Variants in SNRK observed in about 807,000 individuals in gnomAD.
The protein encoded by SNRK is SNF related kinase, also known as SNF-related serine/threonine-protein kinase.
A neutral mutation model predicts 48.2 loss-of-function variants in SNRK; 3 were observed. The observed-to-expected ratio is 0.06, with a 90% CI of 0.03 to 0.16. SNRK has a LOEUF of 0.16. SNRK is among the 10% of genes least tolerant of loss of function. SNRK has a pLI of 1.00. For synonymous variants in SNRK, 376 were observed against 366.1 expected, an observed-to-expected ratio of 1.03 and a Z score of -0.31; for missense variants, 627 against 976.0, an observed-to-expected ratio of 0.64 and a Z score of 4.76.
chr3:43,289,151 A>C (rs56388016), intron 1 of SNRK, among the ~76,000 whole-genome samples: 3,805 of 152,254 alleles, frequency 0.025, 165 homozygotes, highest in African/African-American at 0.084. Context: ...ATAGGGAAAA[A>C]CCTGCAGAAG....
At chr3:43,334,991 G>A (rs1210145306) in intron 4 of SNRK, among the ~76,000 whole-genome samples, 1 of 138,172 alleles carries the variant, frequency 7.2e-6, no homozygotes, top group Non-Finnish European at 1.6e-5. Flanking sequence ...TCTTTTTTTT[G>A]TCTTGATCAG....
At chr3:43,342,228 T>A (rs2091243127) in intron 5 of SNRK, among the ~76,000 whole-genome samples, 1 of 152,164 alleles carries the variant, frequency 6.6e-6, no homozygotes, top group Non-Finnish European at 1.5e-5. Flanking sequence ...TTTGCCAGTT[T>A]GTTGGTTTCC....
intron 4 of SNRK, among the ~76,000 whole-genome samples, chr3:43,337,989 G>A (rs1272512468): frequency 2.6e-5 from 4 of 152,178 alleles, no homozygotes; most frequent in African/African-American, 9.7e-5. Flanking sequence ...GGCTCAAGCA[G>A]TCCCTCCGCC....
At chr3:43,327,773 C>T (rs1444404082) in intron 3 of SNRK, among the ~76,000 whole-genome samples, 1 of 152,078 alleles carries the variant, frequency 6.6e-6, no homozygotes, top group African/African-American at 2.4e-5. Context: ...CTAGAAATAG[C>T]ATAATTCAGT....
At chr3:43,329,815 T>A (rs1455426976) in intron 3 of SNRK, among the ~76,000 whole-genome samples, 2 of 152,180 alleles carry the variant, frequency 1.3e-5, no homozygotes, top group Non-Finnish European at 2.9e-5. Context: ...TAATTGGACT[T>A]CTTGTTGTTT....
rs2091320015 is a variant in SNRK, at chr3:43,351,102, A to G, written c.*2545A>G. On this transcript the variant is annotated 3_prime_UTR_variant, in exon 7 of 7. Transcript: ENST00000296088. ...AGGTATGTGACAAATGGGAAAAAAA[A>G]TCCAAATAATAAAGTGACATATTGG... 1 of 152,622 alleles carries G rather than the reference A, an allele frequency of 6.6e-6. No homozygotes were observed. The highest frequency in any genetic ancestry group is 1.5e-5 in the Non-Finnish European group (1 of 68,032). 9.5% of individuals were successfully genotyped at this position (152,622 alleles called of 1,614,324 possible).
chr3:43,307,901 C>G (rs1375212277), intron 3 of SNRK, among the ~76,000 whole-genome samples: 1 of 152,182 alleles, frequency 6.6e-6, no homozygotes, highest in Non-Finnish European at 1.5e-5. Context: ...AGGCTTCTTG[C>G]ACCTAATAGC....
intron 3 of SNRK, among the ~76,000 whole-genome samples, chr3:43,304,683 A>G (rs2090923734): frequency 6.6e-6 from 1 of 152,102 alleles, no homozygotes; most frequent in Admixed American, 6.5e-5. Context: ...CATGCACATG[A>G]TGTCAGATTC....
chr3:43,319,421 G>A (rs1319412621), intron 3 of SNRK, among the ~76,000 whole-genome samples: 13 of 152,056 alleles, frequency 8.5e-5, no homozygotes, highest in Non-Finnish European at 1.8e-4. Context: ...TCGAAATCTC[G>A]GCACCTGGAA....
At chr3:43,321,037 GT>G (rs2091049737) in intron 3 of SNRK, among the ~76,000 whole-genome samples, 1 of 150,544 alleles carries the variant, frequency 6.6e-6, no homozygotes, top group Non-Finnish European at 1.5e-5. Flanking sequence ...ATTAGTTCTA[GT>G]TTTGTACTCA....
At chr3:43,328,743 C>T (rs541825913) in intron 3 of SNRK, among the ~76,000 whole-genome samples, 2 of 152,310 alleles carry the variant, frequency 1.3e-5, no homozygotes, top group East Asian at 3.9e-4. Flanking sequence ...TCTCTCCCAT[C>T]TCAAACTGTG....
chr3:43,312,271 A>C (rs1400647011), intron 3 of SNRK, among the ~76,000 whole-genome samples: 1 of 152,244 alleles, frequency 6.6e-6, no homozygotes, highest in African/African-American at 2.4e-5. Flanking sequence ...GATTTAGATT[A>C]AGTCTTGAAT....
At chr3:43,335,290 G>C (rs538435561) in intron 4 of SNRK, among the ~76,000 whole-genome samples, 15 of 152,218 alleles carry the variant, frequency 9.9e-5, no homozygotes, top group African/African-American at 3.4e-4. Flanking sequence ...TTGTTATTCA[G>C]TTCTAATAAG....
intron 3 of SNRK, among the ~76,000 whole-genome samples, chr3:43,309,383 A>T (rs183061039): frequency 6.6e-6 from 1 of 152,190 alleles, no homozygotes; most frequent in Non-Finnish European, 1.5e-5. Flanking sequence ...TACTGTAGGT[A>T]AAATATGTCA....
In SNRK at chr3:43,347,327, T is replaced by A; in HGVS notation, c.1080-12T>A. On this transcript the variant is annotated splice_polypyrimidine_tract_variant and intron_variant, in intron 6 of 6. Transcript: ENST00000296088. The surrounding 1 kb of genome is among the most constrained non-coding windows in gnomAD (Gnocchi z 5.4). ...ATATGGCTTTTTTCCCCCCAATCTA[T>A]CTGTTACATAGGCAGTCATGGCCAA... 1 of 1,536,296 alleles carries A rather than the reference T, an allele frequency of 6.5e-7. No homozygotes were observed. The highest frequency in any genetic ancestry group is 8.7e-7 in the Non-Finnish European group (1 of 1,143,292).
At chr3:43,294,848 A>G (rs146126794) in intron 1 of SNRK, among the ~76,000 whole-genome samples, 23 of 152,268 alleles carry the variant, frequency 1.5e-4, no homozygotes, top group African/African-American at 5.5e-4. Flanking sequence ...AGTGTTAATA[A>G]AAGCTTTAGA....
intron 1 of SNRK, among the ~76,000 whole-genome samples, chr3:43,296,429 T>TATATATAC (rs2090855680): frequency 6.8e-6 from 1 of 146,292 alleles, no homozygotes; most frequent in Non-Finnish European, 1.5e-5. Flanking sequence ...TATATATATA[T>TATATATAC]ATATGTATAT....
At chr3:43,319,418 C>G (rs1239563902) in intron 3 of SNRK, among the ~76,000 whole-genome samples, 3 of 152,138 alleles carry the variant, frequency 2.0e-5, no homozygotes, top group Non-Finnish European at 4.4e-5. Flanking sequence ...ATATCGAAAT[C>G]TCGGCACCTG....
intron 4 of SNRK, among the ~76,000 whole-genome samples, chr3:43,339,969 T>C (rs2091222696): frequency 6.6e-6 from 1 of 150,692 alleles, no homozygotes; most frequent in South Asian, 2.1e-4. Context: ...ATGTCATTGC[T>C]GATCCTTGAA....
Sources: allele counts gnomAD v4.1 joint callset (sites outside exome capture counted in the v4.1 genomes callset), GRCh38; gene constraint gnomAD v4.1.1; non-coding constraint Gnocchi (gnomAD v3.1); transcripts MANE v1.5; gene names NCBI Gene and HGNC (gene_info 2026-07-23, HGNC 2026-07-21).